The following CRADD variants were observed in gnomAD, a reference collection of about 807,000 sequenced individuals.
CRADD encodes the protein death domain-containing protein CRADD.
Under a neutral mutation model 15.5 loss-of-function variants are expected in CRADD, and 9 were observed. The ratio of observed to expected loss-of-function variants is 0.58; its 90% CI spans 0.35 to 1.01. CRADD has a LOEUF of 1.01. Ranked by LOEUF, CRADD falls within the 50% of genes least tolerant of loss-of-function variation. CRADD has a pLI of 0.02. For synonymous variants in CRADD, 118 were observed against 107.6 expected, an observed-to-expected ratio of 1.10 and a Z score of -0.60; for missense variants, 227 against 250.3, an observed-to-expected ratio of 0.91 and a Z score of 0.63.
At chr12:93,698,367 A>T (rs1461061849) in intron 2 of CRADD, among the ~76,000 whole-genome samples, 1 of 152,224 alleles carries the variant, frequency 6.6e-6, no homozygotes, top group Non-Finnish European at 1.5e-5. Context: ...TGTGTGTTTA[A>T]CAAAGTATAT....
downstream of CRADD, among the ~76,000 whole-genome samples, chr12:93,855,667 C>T (rs1007996537): frequency 8.5e-5 from 13 of 152,274 alleles, no homozygotes; most frequent in Non-Finnish European, 1.9e-4. Flanking sequence ...TGCCAGTTTC[C>T]CCACATGTAA....
At chr12:93,725,679 T>C (rs935967613) in intron 2 of CRADD, among the ~76,000 whole-genome samples, 1 of 152,244 alleles carries the variant, frequency 6.6e-6, no homozygotes, top group African/African-American at 2.4e-5. Context: ...TGGTGCACTG[T>C]TAATGGAAAG....
In CRADD at chr12:93,679,028, A is replaced by C; in HGVS notation, c.254A>C (p.Lys85Thr). The C allele has an allele frequency of 6.2e-7, 1 of 1,614,092 alleles. No homozygotes were observed. The highest frequency in any genetic ancestry group is 1.7e-5 in the Admixed American group (1 of 60,024). ...CAGGAGTTTCCCTGGGTCAGGGAGA[A>C]GCTGAAGAAGGCAAGGGAAGAGGCC... is the stretch of plus-strand genomic sequence containing the variant. The part of the protein sequence containing the change: ...SLQEFPWVRE[K>T]LKKAREEAMT... The change falls in exon 2 of 3, where the codon AAG becomes ACG. Residue 85 changes from lysine (K) to threonine (T), a missense_variant. Coordinates refer to ENST00000332896, the MANE Select transcript of CRADD (RefSeq NM_003805.5).
At chr12:93,872,480 A>G (rs1958429114) in intron 2 of CRADD, among the ~76,000 whole-genome samples, 1 of 152,164 alleles carries the variant, frequency 6.6e-6, no homozygotes, top group Non-Finnish European at 1.5e-5. Context: ...ATTTTTGCCC[A>G]GGCCAATGTT....
intron 2 of CRADD, among the ~76,000 whole-genome samples, chr12:93,821,394 T>G (rs73222750): frequency 0.085 from 12,948 of 152,296 alleles, 630 homozygotes; most frequent in Middle Eastern, 0.21. Flanking sequence ...AGCTGGCACA[T>G]CGGTCTCTAG....
intron 2 of CRADD, chr12:93,826,915 A>C (rs1052445532): frequency 6.6e-6 from 1 of 152,196 alleles, no homozygotes; most frequent in African/African-American, 2.4e-5. Flanking sequence ...GACTCAACCT[A>C]ATAATTAGAT....
rs543409504 is a variant in CRADD at position 93,813,975 on chromosome 12, T to C, written c.299-35995T>C. On this transcript the variant is annotated intron_variant, in intron 2 of 2. Coordinates refer to ENST00000332896, the MANE Select transcript of CRADD (RefSeq NM_003805.5). ...AGAGCAGAAATTGACTTGGAAGATA[T>C]TGCTCCTAGACCAAAAGTCCAAATT... Among the ~76,000 whole-genome samples the C allele has an allele frequency of 9.2e-5, 14 of 152,112 alleles. No homozygotes were observed. The East Asian group carries it at 1.4e-3, about 15-fold the overall frequency.
At chr12:93,867,830 G>C (rs183726840) in intron 2 of CRADD, among the ~76,000 whole-genome samples, 5 of 152,074 alleles carry the variant, frequency 3.3e-5, no homozygotes, top group African/African-American at 7.2e-5. Context: ...GTTTTTGAGT[G>C]GGGGGCCCAG....
chr12:93,833,821 T>TA (rs1957939913), intron 2 of CRADD, among the ~76,000 whole-genome samples: 1 of 94,674 alleles, frequency 1.1e-5, no homozygotes, highest in African/African-American at 3.4e-5. Context: ...TTTCATTTTG[T>TA]GTTTTTTTTT....
At chr12:93,825,845 C>T (rs904201808) in intron 2 of CRADD, among the ~76,000 whole-genome samples, 12 of 152,224 alleles carry the variant, frequency 7.9e-5, no homozygotes, top group African/African-American at 2.7e-4. Context: ...ACAGGCATAT[C>T]GGCAACATGG....
At chr12:93,794,999 AC>A (rs1957398362) in intron 2 of CRADD, among the ~76,000 whole-genome samples, 1 of 152,132 alleles carries the variant, frequency 6.6e-6, no homozygotes, top group African/African-American at 2.4e-5. Flanking sequence ...TGACCTGACC[AC>A]CCTATGTAAA....
In CRADD at chr12:93,775,734, G is replaced by C. The variant is rs369139226; in HGVS notation, c.299-74236G>C. On this transcript the variant is annotated intron_variant, in intron 2 of 2. Coordinates refer to ENST00000332896, the MANE Select transcript of CRADD (RefSeq NM_003805.5). Reference sequence around the variant, plus strand: ...TATGATGCTTTCCGTTTGGAGGTTAGAGTCAGGGTTGCCAGGGGTCGATTA... The same window carrying C: ...TATGATGCTTTCCGTTTGGAGGTTACAGTCAGGGTTGCCAGGGGTCGATTA... 1.4e-4 allele frequency among the ~76,000 whole-genome samples: 21 copies of C among 152,258 alleles called. 2 individuals carry two copies. Among genetic ancestry groups the C allele is most frequent in the Admixed American group, 1.2e-3 (19 of 15,302 alleles).
intron 2 of CRADD, among the ~76,000 whole-genome samples, chr12:93,858,356 G>A (rs1054488281): frequency 3.3e-5 from 5 of 152,220 alleles, no homozygotes; most frequent in Admixed American, 1.3e-4. Flanking sequence ...AAGGACGGAG[G>A]TGGGTCTTAC....
chr12:93,880,767 ATC>A (rs1314205782), intron 2 of CRADD, among the ~76,000 whole-genome samples: 1 of 152,192 alleles, frequency 6.6e-6, no homozygotes, highest in Non-Finnish European at 1.5e-5. Context: ...AACCCAAAAG[ATC>A]TCTTTCTGCC....
At chr12:93,785,430 T>A (rs1042585072) in intron 2 of CRADD, among the ~76,000 whole-genome samples, 1 of 152,156 alleles carries the variant, frequency 6.6e-6, no homozygotes. Flanking sequence ...CTCACTGGTA[T>A]GCGTCTTCCC....
intron 2 of CRADD, among the ~76,000 whole-genome samples, chr12:93,703,819 G>A (rs1955886446): frequency 6.6e-6 from 1 of 152,012 alleles, no homozygotes; most frequent in Admixed American, 6.5e-5. Flanking sequence ...ATTGACATTG[G>A]TGCAATACTA....
intron 2 of CRADD, among the ~76,000 whole-genome samples, chr12:93,845,362 T>C (rs10859598): frequency 0.55 from 83,624 of 151,968 alleles, 23,263 homozygotes; most frequent in Middle Eastern, 0.63. Flanking sequence ...GTTATAAGTA[T>C]GAACAAGATG....
chr12:93,733,473 C>T (rs1956506669), intron 2 of CRADD: 1 of 152,316 alleles, frequency 6.6e-6, no homozygotes, highest in African/African-American at 2.4e-5. Context: ...AATCGCCCCT[C>T]TCACCAGCCA....
At chr12:93,741,910 C>T (rs141805009) in intron 2 of CRADD, among the ~76,000 whole-genome samples, 260 of 152,286 alleles carry the variant, frequency 1.7e-3, no homozygotes, top group South Asian at 3.3e-3. Context: ...ACCTCGGCTT[C>T]TGAACCCTTA....
Sources: allele counts gnomAD v4.1 joint callset (sites outside exome capture counted in the v4.1 genomes callset), GRCh38; gene constraint gnomAD v4.1.1; transcripts MANE v1.5; gene names NCBI Gene and HGNC (gene_info 2026-07-23, HGNC 2026-07-21).